Variants in SRPX observed in about 807,000 individuals in gnomAD.
SRPX encodes sushi repeat-containing protein SRPX.
A neutral mutation model predicts 38.1 loss-of-function variants in SRPX; 24 were observed. The ratio of observed to expected loss-of-function variants is 0.63; its 90% CI spans 0.46 to 0.89. The LOEUF (loss-of-function observed/expected upper bound fraction) is 0.89, where lower values mean the gene tolerates loss of function less well. Ranked by LOEUF, SRPX falls within the 40% of genes least tolerant of loss-of-function variation. The probability of loss-of-function intolerance (pLI) is 0.00; values close to 1 mark genes in which losing one functional copy is unlikely to be tolerated. For missense variants in SRPX, 416 were observed against 377.8 expected, an observed-to-expected ratio of 1.10 and a Z score of -0.84; for synonymous variants, 184 against 153.8, an observed-to-expected ratio of 1.20 and a Z score of -1.45.
intron 5 of SRPX, among the ~76,000 whole-genome samples, chrX:38,163,790 C>T (rs1041190432): frequency 2.7e-5 from 3 of 111,791 alleles, no homozygotes; most frequent in Non-Finnish European, 3.8e-5. Flanking sequence ...TTGATATGAT[C>T]GGGAGTTTTA....
intron 1 of SRPX, 99 bp from the exon 2 acceptor site, chrX:38,178,443 A>G: frequency 1.5e-6 from 1 of 683,662 alleles, no homozygotes; most frequent in Non-Finnish European, 2.2e-6. Context: ...AGGAGGTGCT[A>G]TTAGAATGCA....
chrX:38,195,331 C>CT (rs1214104326), intron 1 of SRPX, among the ~76,000 whole-genome samples: 1 of 104,254 alleles, frequency 9.6e-6, no homozygotes, highest in Non-Finnish European at 2.0e-5. Context: ...AGTTTTTGCT[C>CT]TTTTTTTGGT....
intron 1 of SRPX, among the ~76,000 whole-genome samples, chrX:38,210,787 T>C (rs1601873998): frequency 8.9e-6 from 1 of 112,522 alleles, no homozygotes; most frequent in East Asian, 2.8e-4. Flanking sequence ...AGTTATAGCA[T>C]GCTGGCCTGG....
chrX:38,164,890 C>G lies in SRPX; in HGVS notation c.532G>C (p.Glu178Gln), dbSNP rs143279321. ...SGRPASCVDM[E>Q]PPRIKCPSVK... ...CTTGGGCACTTGATTCTAGGAGGTT[C>G]CATATCTGAAAATATAACCAAAACA... Residue 178 changes from glutamate (E) to glutamine (Q), a missense_variant, in exon 5 of 10, where the codon GAA (glutamate) becomes CAA (glutamine). Glu to Gln is a conservative substitution (Grantham distance 29, BLOSUM62 2). Coordinates refer to ENST00000378533, the MANE Select transcript of SRPX (RefSeq NM_006307.5). The G allele has an allele frequency of 1.2e-4, 139 of 1,205,914 alleles. No homozygotes were observed. The Middle Eastern group carries it at 1.4e-3, about 12-fold the overall frequency.
chrX:38,216,989 G>A (rs1182086617), intron 1 of SRPX, among the ~76,000 whole-genome samples: 1 of 112,249 alleles, frequency 8.9e-6, no homozygotes, highest in Non-Finnish European at 1.9e-5. Context: ...GTAAGCCATC[G>A]TTTCTATGTA....
At chrX:38,153,302 C>CT (rs58888978) in intron 9 of SRPX, among the ~76,000 whole-genome samples, 15,475 of 54,369 alleles carry the variant, frequency 0.28, 2,069 homozygotes, top group Non-Finnish European at 0.37. Flanking sequence ...TTCTTTCTTT[C>CT]TTTTTTTTTT....
At chrX:38,162,535 C>T (rs148705848) in intron 5 of SRPX, among the ~76,000 whole-genome samples, 2,174 of 112,212 alleles carry the variant, frequency 0.019, 23 homozygotes, top group Non-Finnish European at 0.022. Context: ...ACAATCCTGC[C>T]GGGTGCAGTG....
intron 1 of SRPX, among the ~76,000 whole-genome samples, chrX:38,196,614 C>T (rs1363811586): frequency 8.9e-6 from 1 of 112,200 alleles, no homozygotes; most frequent in Non-Finnish European, 1.9e-5. Flanking sequence ...CTGGGGAGGA[C>T]AAGCTCTTAG....
intron 1 of SRPX, among the ~76,000 whole-genome samples, chrX:38,196,822 C>T (rs908342250): frequency 8.9e-6 from 1 of 112,257 alleles, no homozygotes; most frequent in Non-Finnish European, 1.9e-5. Context: ...TCTGAGGAAA[C>T]ACAACCCAGG....
intron 8 of SRPX, among the ~76,000 whole-genome samples, chrX:38,156,079 A>C (rs1480827624): frequency 3.6e-5 from 4 of 112,419 alleles, no homozygotes; most frequent in African/African-American, 9.7e-5. Context: ...ATCCACTGTA[A>C]TAAATGAATA....
chrX:38,156,763 C>T, intron 8 of SRPX, 133 bp downstream of exon 8: 2 of 739,248 alleles, frequency 2.7e-6, no homozygotes, highest in Non-Finnish European at 1.9e-6. Flanking sequence ...ATGGTGGTAG[C>T]TCTAAAGTGC....
intron 5 of SRPX, 88 bp from the exon 6 acceptor site, chrX:38,161,142 G>C (rs1938249896): frequency 9.7e-7 from 1 of 1,026,383 alleles, no homozygotes; most frequent in East Asian, 3.1e-5. Flanking sequence ...AGGACATGGA[G>C]AGACTGAGGG....
chrX:38,156,345 G>A (rs912120934), intron 8 of SRPX, among the ~76,000 whole-genome samples: 2 of 111,849 alleles, frequency 1.8e-5, no homozygotes, highest in African/African-American at 6.5e-5. Context: ...AAACTTTAGA[G>A]TGCTTAGGAA....
At chrX:38,211,835 C>G (rs1337846690) in intron 1 of SRPX, among the ~76,000 whole-genome samples, 1 of 111,854 alleles carries the variant, frequency 8.9e-6, no homozygotes, top group Non-Finnish European at 1.9e-5. Context: ...ATCCCCAATT[C>G]ATGGAGCTTG....
At chrX:38,188,213 T>G (rs1255761055) in intron 1 of SRPX, among the ~76,000 whole-genome samples, 1 of 112,119 alleles carries the variant, frequency 8.9e-6, no homozygotes, top group East Asian at 2.8e-4. Context: ...AGTCTAAACC[T>G]TTTGCTAATC....
intron 1 of SRPX, among the ~76,000 whole-genome samples, chrX:38,181,144 C>T (rs555425462): frequency 8.9e-6 from 1 of 112,179 alleles, no homozygotes; most frequent in East Asian, 2.8e-4. Context: ...AGTTCTAAGG[C>T]CTTTAGAGCA....
At chrX:38,176,311 T>A (rs191828169) in intron 2 of SRPX, among the ~76,000 whole-genome samples, 4 of 111,522 alleles carry the variant, frequency 3.6e-5, no homozygotes, top group African/African-American at 1.3e-4. Context: ...ATGATGGTAT[T>A]CCAAGCAAAA....
intron 1 of SRPX, among the ~76,000 whole-genome samples, chrX:38,195,253 G>T (rs903978676): frequency 1.8e-5 from 2 of 110,985 alleles, no homozygotes; most frequent in Non-Finnish European, 3.8e-5. Context: ...TTAGGACATT[G>T]GTTACCTCTG....
chrX:38,200,756 C>T (rs1939095982), intron 1 of SRPX, among the ~76,000 whole-genome samples: 1 of 111,825 alleles, frequency 8.9e-6, no homozygotes, highest in South Asian at 3.8e-4. Context: ...CCTAATGGCC[C>T]AATCACCTCT....
Sources: allele counts gnomAD v4.1 joint callset (sites outside exome capture counted in the v4.1 genomes callset), GRCh38; gene constraint gnomAD v4.1.1; transcripts MANE v1.5; gene names NCBI Gene and HGNC (gene_info 2026-07-23, HGNC 2026-07-21).